FOCAD: variants seen among roughly 807,000 people sequenced by gnomAD.
FOCAD encodes focadhesin.
In FOCAD, 198 loss-of-function variants were observed where a neutral mutation model predicts 225.6. The observed-to-expected ratio is 0.88, with a 90% CI of 0.78 to 0.99. FOCAD has a LOEUF of 0.99. Among genes scored for constraint, FOCAD ranks in the 50% least tolerant of loss-of-function variants. The pLI is 0.00. For missense variants in FOCAD, 2,713 were observed against 2,123.6 expected, an observed-to-expected ratio of 1.28 and a Z score of -5.46; for synonymous variants, 897 against 755.0, an observed-to-expected ratio of 1.19 and a Z score of -3.08.
At chr9:20,829,642 C>T (rs1337112899) in intron 15 of FOCAD, among the ~76,000 whole-genome samples, 1 of 151,986 alleles carries the variant, frequency 6.6e-6, no homozygotes, top group Non-Finnish European at 1.5e-5. Context: ...TGTCCTGATG[C>T]CTCTAAGTAA....
intron 5 of FOCAD, among the ~76,000 whole-genome samples, chr9:20,748,002 A>G (rs1229995641): frequency 6.6e-6 from 1 of 151,986 alleles, no homozygotes; most frequent in African/African-American, 2.4e-5. Context: ...AAAAAAATCG[A>G]CGATCAGCTA....
chr9:20,940,337 G>C (rs892456533), intron 28 of FOCAD, among the ~76,000 whole-genome samples: 2 of 148,620 alleles, frequency 1.3e-5, no homozygotes, highest in African/African-American at 5.0e-5. Context: ...AGGCTGGAGT[G>C]CAGTGATACC....
chr9:20,953,817 C>T (rs1158381380), intron 35 of FOCAD, among the ~76,000 whole-genome samples: 1 of 152,090 alleles, frequency 6.6e-6, no homozygotes, highest in Non-Finnish European at 1.5e-5. Context: ...GTCAGTCTTC[C>T]TTGGTTAGGT....
chr9:20,764,475 A>G (rs952923492), intron 6 of FOCAD, among the ~76,000 whole-genome samples: 1 of 152,308 alleles, frequency 6.6e-6, no homozygotes, highest in African/African-American at 2.4e-5. Flanking sequence ...GATGGTCTCT[A>G]TCTCCTGACC....
chr9:20,676,136 GTTACTTACTATGCTGTTCA>G (rs1238454091), intron 2 of FOCAD, among the ~76,000 whole-genome samples: 1 of 152,212 alleles, frequency 6.6e-6, no homozygotes, highest in Non-Finnish European at 1.5e-5. Flanking sequence ...AAAGCCCATT[GTTACTTACTATGCTGTTCA>G]TCAGCAGGTA....
chr9:20,897,669 C>A (rs1243900083), intron 21 of FOCAD, among the ~76,000 whole-genome samples: 1 of 151,598 alleles, frequency 6.6e-6, no homozygotes, highest in Non-Finnish European at 1.5e-5. Context: ...TAATTTTTTT[C>A]TCTCATTCCT....
chr9:20,728,727 C>G (rs1369134055), intron 4 of FOCAD, among the ~76,000 whole-genome samples: 1 of 152,164 alleles, frequency 6.6e-6, no homozygotes, highest in African/African-American at 2.4e-5. Context: ...CTTATTCCAG[C>G]TGATCTTTAT....
intron 19 of FOCAD, 79 bp downstream of exon 19, chr9:20,874,886 A>G: frequency 6.5e-7 from 1 of 1,547,764 alleles, no homozygotes; most frequent in Non-Finnish European, 8.9e-7. Context: ...TGTGATAGGT[A>G]CATAGTATAG....
intron 2 of FOCAD, 87 bp downstream of exon 2, chr9:20,715,497 A>G: frequency 3.6e-6 from 2 of 556,626 alleles, no homozygotes; most frequent in South Asian, 1.4e-4. Flanking sequence ...TTAATATTAA[A>G]TATTTTATTC....
rs1184354592 is a variant in FOCAD at position 20,778,089 on chromosome 9, C to CAAAAA, written c.907-572_907-568dup. ...TGGGCGACAGAACGAGACTCCGTCTCAAAAAAAAAAAAAAAAAAAAAAAAG... is the reference window on the plus strand; with the variant it reads ...TGGGCGACAGAACGAGACTCCGTCTCAAAAAAAAAAAAAAAAAAAAAAAAAAAAAG... On this transcript the variant is annotated intron_variant, in intron 8 of 43. Coordinates refer to ENST00000338382, the MANE Select transcript of FOCAD (RefSeq NM_001375567.1). 5.8e-4 allele frequency among the ~76,000 whole-genome samples: 49 copies of CAAAAA among 84,144 alleles called. 1 individual carries two copies. Among genetic ancestry groups the CAAAAA allele is most frequent in the African/African-American group, 1.3e-3 (29 of 22,730 alleles). 55.2% of individuals were successfully genotyped at this position (84,144 alleles called of 152,430 possible).
chr9:20,969,217 G>C (rs1411046775), intron 35 of FOCAD, among the ~76,000 whole-genome samples: 1 of 152,070 alleles, frequency 6.6e-6, no homozygotes, highest in Non-Finnish European at 1.5e-5. Flanking sequence ...TGTTCCGTGT[G>C]CTCTTGAAAT....
chr9:20,778,029 G>A (rs1213552829), intron 8 of FOCAD, among the ~76,000 whole-genome samples: 1 of 138,604 alleles, frequency 7.2e-6, no homozygotes, highest in African/African-American at 2.7e-5. Context: ...GGCGGAGCTT[G>A]CAGTGAGCGG....
intron 2 of FOCAD, among the ~76,000 whole-genome samples, chr9:20,671,912 C>T (rs1315434655): frequency 6.6e-6 from 1 of 151,942 alleles, no homozygotes; most frequent in Non-Finnish European, 1.5e-5. Context: ...TATTCAGGGA[C>T]ATCAGGTTCA....
At chr9:20,967,493 A>T (rs1839369892) in intron 35 of FOCAD, among the ~76,000 whole-genome samples, 2 of 152,092 alleles carry the variant, frequency 1.3e-5, no homozygotes. Flanking sequence ...TCCAATCTGA[A>T]TGCCTTTTCT....
At chr9:20,921,303 C>T (rs1834405799) in intron 24 of FOCAD, among the ~76,000 whole-genome samples, 1 of 152,148 alleles carries the variant, frequency 6.6e-6, no homozygotes, top group Non-Finnish European at 1.5e-5. Flanking sequence ...TTAATAACAT[C>T]ATTTTGTTTT....
At position 20,990,111 on chromosome 9, in the gene FOCAD, T is replaced by C; in HGVS notation, c.5005-12T>C. ...AAAATATGACCTAACGTCATTTCTATTTTCATCGTAGGCTTTGGACTTCTT... is the reference window on the plus strand; with the variant it reads ...AAAATATGACCTAACGTCATTTCTACTTTCATCGTAGGCTTTGGACTTCTT... On this transcript the variant is annotated splice_polypyrimidine_tract_variant and intron_variant, in intron 41 of 43. Coordinates refer to ENST00000338382, the MANE Select transcript of FOCAD (RefSeq NM_001375567.1). 1.2e-6 allele frequency: 2 copies of C among 1,613,518 alleles called. No homozygotes were observed. Among genetic ancestry groups the C allele is most frequent in the African/African-American group, 2.7e-5 (2 of 75,022 alleles).
intron 20 of FOCAD, among the ~76,000 whole-genome samples, chr9:20,882,336 AG>A (rs1217682375): frequency 6.6e-6 from 1 of 152,218 alleles, no homozygotes; most frequent in Non-Finnish European, 1.5e-5. Flanking sequence ...GTTGGAAGAA[AG>A]AGAAACTAGA....
Position 20,865,995 on chromosome 9 carries a change from T to C in FOCAD, c.2106+19T>C, listed in dbSNP as rs900051446. On this transcript the variant is annotated intron_variant, in intron 17 of 43. Coordinates refer to ENST00000338382, the MANE Select transcript of FOCAD (RefSeq NM_001375567.1). ...AAACAAGGTACTATCACAAGGCTTG[T>C]CAGTGAATCAGAACAAAGCTAAGGA... is the stretch of plus-strand genomic sequence containing the variant. 9.4e-6 allele frequency: 15 copies of C among 1,590,952 alleles called. No homozygotes were observed. The African/African-American group carries it at 2.0e-4, about 22-fold the overall frequency.
At chr9:20,818,565 T>G (rs1823983186) in intron 11 of FOCAD, among the ~76,000 whole-genome samples, 1 of 152,106 alleles carries the variant, frequency 6.6e-6, no homozygotes, top group Non-Finnish European at 1.5e-5. Context: ...GGGTCCAACT[T>G]GATTCTTTTG....
Sources: gnomAD v4.1 joint callset for allele counts (sites outside exome capture counted in the v4.1 genomes callset) on GRCh38, gnomAD v4.1.1 for gene constraint, MANE v1.5 for transcripts, NCBI Gene and HGNC (gene_info 2026-07-23, HGNC 2026-07-21) for gene names.